Variants in PCDHA2 observed in about 807,000 individuals in gnomAD.
The protein encoded by PCDHA2 is protocadherin alpha-2.
A neutral mutation model predicts 66.0 loss-of-function variants in PCDHA2; 58 were observed. That is an observed-to-expected ratio of 0.88 (90% CI 0.71 to 1.09). The LOEUF (loss-of-function observed/expected upper bound fraction) is 1.09, where lower values mean the gene tolerates loss of function less well. PCDHA2 is among the 50% of genes least tolerant of loss of function. The pLI is 0.00. For missense variants in PCDHA2, 1,267 were observed against 1,242.3 expected (o/e 1.02, Z -0.30); for synonymous variants, 634 against 554.0 (o/e 1.14, Z -2.03).
intron 1 of PCDHA2, chr5:140,823,572 T>C (rs2150127027): frequency 1.2e-6 from 2 of 1,613,944 alleles, no homozygotes; most frequent in African/African-American, 1.3e-5. Context: ...TGGACCCTGA[T>C]TCGGGCTACA....
intron 1 of PCDHA2, chr5:140,848,468 C>A: frequency 6.5e-7 from 1 of 1,547,824 alleles, no homozygotes; most frequent in African/African-American, 1.4e-5. Context: ...GCAATTTTCA[C>A]TAATTAGAAG....
chr5:140,850,789 A>C, intron 1 of PCDHA2: 1 of 1,598,402 alleles, frequency 6.3e-7, no homozygotes, highest in Non-Finnish European at 8.6e-7. Flanking sequence ...GAGGGTAAGC[A>C]GAAGACCGAC....
At chr5:140,921,301 C>T (rs1227923324) in intron 1 of PCDHA2, among the ~76,000 whole-genome samples, 1 of 151,954 alleles carries the variant, frequency 6.6e-6, no homozygotes. Flanking sequence ...TTGCTGAATG[C>T]CATTGTATTA....
rs116228766 is a variant in PCDHA2 at position 140,907,042 on chromosome 5, C to A, written c.2389-71907C>A. Among the ~76,000 whole-genome samples, 705 of 152,284 alleles carry A rather than the reference C, an allele frequency of 4.6e-3. 3 individuals carry two copies. The highest frequency in any genetic ancestry group is 0.016 in the African/African-American group (683 of 41,556). On this transcript the variant is annotated intron_variant, in intron 1 of 3. Coordinates refer to ENST00000526136, the MANE Select transcript of PCDHA2 (RefSeq NM_018905.3). The stretch of plus-strand genomic sequence containing the variant: ...CCAGCAGAACATAATGTCACAGGGA[C>A]AGTAAGCAAAAATTTTACTAGTGGG...
Position 140,796,261 on chromosome 5 carries a change from C to A in PCDHA2, c.1297C>A (p.Pro433Thr), listed in dbSNP as rs1457591142. ...GGTGACCGCACGGGACGGGGGCTCG[C>A]CTTCACTGTGGGCCACCACCAGCGT... The part of the protein sequence containing the change: ...LVVTARDGGS[P>T]SLWATTSVSI... The change falls in exon 1 of 4, where the codon CCT (proline) becomes ACT (threonine). Residue 433 changes from proline to threonine, a missense_variant. Physicochemically the swap from Pro to Thr is conservative, Grantham distance 38 (BLOSUM62 -1). Transcript: ENST00000526136. The A allele has an allele frequency of 6.2e-7, 1 of 1,613,998 alleles. No individual in the cohort carries two copies. Among genetic ancestry groups the A allele is most frequent in the Non-Finnish European group, 8.5e-7 (1 of 1,180,046 alleles).
chr5:140,797,844 C>T (rs1003095497), intron 1 of PCDHA2, among the ~76,000 whole-genome samples: 1 of 149,000 alleles, frequency 6.7e-6, no homozygotes, highest in East Asian at 1.9e-4. Flanking sequence ...TAATAAGCTA[C>T]ATTTTTTTTT....
chr5:141,003,001 C>T (rs1403843420), intron 3 of PCDHA2, among the ~76,000 whole-genome samples: 3 of 152,182 alleles, frequency 2.0e-5, no homozygotes, highest in Admixed American at 1.3e-4. Flanking sequence ...AGTTTATGTT[C>T]TATTAGGGAA....
At chr5:140,843,690 A>G (rs2150365181) in intron 1 of PCDHA2, 2 of 1,587,072 alleles carry the variant, frequency 1.3e-6, no homozygotes, top group Admixed American at 3.4e-5. Context: ...GAAGAGCAAG[A>G]TTTAAATGTT....
At chr5:140,820,895 A>G (rs1216574089) in intron 1 of PCDHA2, among the ~76,000 whole-genome samples, 5 of 152,098 alleles carry the variant, frequency 3.3e-5, no homozygotes, top group African/African-American at 1.2e-4. Context: ...AAGACGATTT[A>G]CCAAAGTCGT....
chr5:140,922,595 A>G (rs1554200883), intron 1 of PCDHA2, among the ~76,000 whole-genome samples: 1 of 152,216 alleles, frequency 6.6e-6, no homozygotes, highest in Non-Finnish European at 1.5e-5. Context: ...AGTTCTCATC[A>G]GTTGAAGATA....
chr5:140,839,660 C>T (rs1174636737), intron 1 of PCDHA2, among the ~76,000 whole-genome samples: 1 of 152,018 alleles, frequency 6.6e-6, no homozygotes, highest in Non-Finnish European at 1.5e-5. Flanking sequence ...TTGTTTGCTA[C>T]TATTTAGAGT....
At chr5:140,902,702 C>T (rs78828243) in intron 1 of PCDHA2, among the ~76,000 whole-genome samples, 7,835 of 152,116 alleles carry the variant, frequency 0.052, 268 homozygotes, top group Admixed American at 0.075. Flanking sequence ...AGTCTTTTAT[C>T]TTTCACTCCC....
intron 1 of PCDHA2, chr5:140,884,343 C>T (rs368888498): frequency 1.2e-6 from 2 of 1,613,900 alleles, no homozygotes; most frequent in Non-Finnish European, 1.7e-6. Context: ...CCAGAAGCGG[C>T]GCTGGTGGAT....
chr5:140,869,279 T>C, intron 1 of PCDHA2: 1 of 1,613,596 alleles, frequency 6.2e-7, no homozygotes, highest in Non-Finnish European at 8.5e-7. Context: ...CTGGCGGAGC[T>C]GGTGCAGCGC....
chr5:140,953,542 A>G (rs2094901319), intron 1 of PCDHA2, among the ~76,000 whole-genome samples: 1 of 152,080 alleles, frequency 6.6e-6, no homozygotes, highest in Admixed American at 6.6e-5. Flanking sequence ...CTTCATGCTG[A>G]TTCTTTTCTC....
Position 140,797,328 on chromosome 5 carries a change from CTCAGAA to C in PCDHA2, c.2372_2377del (p.Ser791_Glu792del). The C allele has an allele frequency of 6.2e-7, 1 of 1,614,180 alleles. No homozygotes were observed. The highest frequency in any genetic ancestry group is 8.5e-7 in the Non-Finnish European group (1 of 1,180,022). On this transcript the variant is annotated inframe_deletion, in exon 1 of 4. Coordinates refer to ENST00000526136, the MANE Select transcript of PCDHA2 (RefSeq NM_018905.3). ...CAGACTCCGCAGAAGAGAAACAGCT[CTCAGAA>C]TCAGAATACGTAGGAAAGGTGAGTC... is the stretch of plus-strand genomic sequence containing the variant.
In PCDHA2 at chr5:140,970,051, C is replaced by T. The variant is rs915260486; in HGVS notation, c.2389-8898C>T. 4.0e-5 allele frequency among the ~76,000 whole-genome samples: 6 copies of T among 151,880 alleles called. No individual in the cohort carries two copies. The South Asian group carries it at 1.2e-3, about 32-fold the overall frequency. On this transcript the variant is annotated intron_variant, in intron 1 of 3. Coordinates refer to ENST00000526136, the MANE Select transcript of PCDHA2 (RefSeq NM_018905.3). Reference sequence around the variant, plus strand: ...TTAAGTACCAATTTGTCTGGTTGGTCCAGGGAGGTATTAGAATGAGTGGAT... The same window carrying T: ...TTAAGTACCAATTTGTCTGGTTGGTTCAGGGAGGTATTAGAATGAGTGGAT...
intron 3 of PCDHA2, among the ~76,000 whole-genome samples, chr5:140,994,546 A>T (rs1168797848): frequency 6.6e-6 from 1 of 152,066 alleles, no homozygotes; most frequent in Non-Finnish European, 1.5e-5. Context: ...CTACAAAAAA[A>T]ATATAAAAAT....
intron 1 of PCDHA2, among the ~76,000 whole-genome samples, chr5:140,966,026 G>C (rs1586101729): frequency 6.6e-6 from 1 of 152,290 alleles, no homozygotes; most frequent in Non-Finnish European, 1.5e-5. Context: ...TGGGAGTCAG[G>C]TGAATAGTTC....
Sources: allele counts gnomAD v4.1 joint callset (sites outside exome capture counted in the v4.1 genomes callset), GRCh38; gene constraint gnomAD v4.1.1; transcripts MANE v1.5; gene names NCBI Gene and HGNC (gene_info 2026-07-23, HGNC 2026-07-21).